Variants in ZNF446 observed in about 807,000 individuals in gnomAD.
ZNF446 encodes the protein zinc finger protein with KRAB and SCAN domains 20.
ZNF446 carries 42 observed loss-of-function variants against 34.0 expected under a neutral mutation model. The observed-to-expected ratio is 1.23, with a 90% CI of 0.96 to 1.60. ZNF446 has a LOEUF of 1.60. Among genes scored for constraint, ZNF446 ranks in the 40% most tolerant of loss-of-function variants. ZNF446 has a pLI of 0.00. For synonymous variants in ZNF446, 315 were observed against 251.0 expected (o/e 1.25, Z -2.41); for missense variants, 650 against 600.2 (o/e 1.08, Z -0.87).
the ZNF446 span, among the ~76,000 whole-genome samples, chr19:58,488,848 C>CAAAAAAAAAAAAAAAAAA: frequency 9.8e-6 from 1 of 102,316 alleles, no homozygotes; most frequent in Non-Finnish European, 1.9e-5. Context: ...AAGACTCCGT[C>CAAAAAAAAAAAAAAAAAA]AAAAAAAAAA....
chr19:58,482,273 C>A (rs938934558), downstream of ZNF446, among the ~76,000 whole-genome samples: 2 of 152,066 alleles, frequency 1.3e-5, no homozygotes, highest in Non-Finnish European at 2.9e-5. Flanking sequence ...TGCCAGCTCT[C>A]TGACACCCAT....
intron 4 of ZNF446, among the ~76,000 whole-genome samples, chr19:58,478,771 G>T (rs2053111977): frequency 6.6e-6 from 1 of 152,114 alleles, no homozygotes; most frequent in South Asian, 2.1e-4. Context: ...AAGTCAGCTG[G>T]GAGGTTTGCT....
downstream of ZNF446, among the ~76,000 whole-genome samples, chr19:58,482,408 C>T (rs1041057231): frequency 2.6e-5 from 4 of 152,190 alleles, no homozygotes; most frequent in East Asian, 7.7e-4. Flanking sequence ...AATGGGGACT[C>T]CTTGGGGGCC....
chr19:58,486,336 C>T, the ZNF446 span, among the ~76,000 whole-genome samples: 40 of 151,842 alleles, frequency 2.6e-4, no homozygotes, highest in Non-Finnish European at 4.6e-4. Context: ...TGATCCACCT[C>T]GGCCTCCCAA....
chr19:58,483,796 C>G (rs1398345018), downstream of ZNF446: 7 of 152,160 alleles, frequency 4.6e-5, no homozygotes, highest in Admixed American at 1.3e-4. Context: ...TGCACAGGGG[C>G]CATTCTAATC....
Position 58,480,614 on chromosome 19 carries a change from G to A in ZNF446, c.1241G>A (p.Arg414His), listed in dbSNP as rs560841758. ...TGGAAGTCGCAGCTGGTCATCCACC[G>A]CAAGAGCCACACAGGCCAGCGGCGT... The part of the protein sequence containing the change: ...FSWKSQLVIH[R>H]KSHTGQRRHF... Residue 414 changes from arginine (R) to histidine (H), a missense_variant, in exon 7 of 7, where the codon CGC becomes CAC. Coordinates refer to ENST00000594369, the MANE Select transcript of ZNF446 (RefSeq NM_017908.4). The surrounding 1 kb of genome is among the most constrained non-coding windows in gnomAD (Gnocchi z 7.2). 2.7e-5 allele frequency: 43 copies of A among 1,612,584 alleles called. No individual in the cohort carries two copies. Among genetic ancestry groups the A allele is most frequent in the Admixed American group, 6.7e-5 (4 of 59,994 alleles).
At chr19:58,485,182 A>G (rs1347118316), downstream of ZNF446, among the ~76,000 whole-genome samples, 1 of 152,094 alleles carries the variant, frequency 6.6e-6, no homozygotes, top group Non-Finnish European at 1.5e-5. Flanking sequence ...TGTAAATAAA[A>G]ACACTGTTAA....
In ZNF446 at chr19:58,480,651, T is replaced by A. The variant is rs1568618809; in HGVS notation, c.1278T>A (p.Ser426Arg). The change falls in exon 7 of 7, where the codon AGT (serine) becomes AGA (arginine). Residue 426 changes from serine (S) to arginine (R), a missense_variant. By Grantham distance (110) the Ser-to-Arg change is moderately radical. Transcript: ENST00000594369. The surrounding 1 kb of genome is among the most constrained non-coding windows in gnomAD (Gnocchi z 7.2). ...SHTGQRRHFC[S>R]DCGRAFDWKS... ...CAGGCCAGCGGCGTCACTTCTGCAGTGACTGTGGCCGCGCCTTCGACTGGA... is the reference window on the plus strand; with the variant it reads ...CAGGCCAGCGGCGTCACTTCTGCAGAGACTGTGGCCGCGCCTTCGACTGGA... The A allele has an allele frequency of 1.2e-5, 20 of 1,609,946 alleles. No homozygotes were observed. Among genetic ancestry groups the A allele is most frequent in the Non-Finnish European group, 1.6e-5 (19 of 1,179,200 alleles).
At chr19:58,478,392 G>A (rs2053108245) in intron 4 of ZNF446, among the ~76,000 whole-genome samples, 1 of 152,106 alleles carries the variant, frequency 6.6e-6, no homozygotes, top group African/African-American at 2.4e-5. Flanking sequence ...GGCTGGACAT[G>A]GTGGCTTACA....
rs1568618194 is a variant in ZNF446, at chr19:58,480,063, CGGTGGGACCTGAGCCACCCACTCAT to C, written c.802+47_802+71del. ...CCAGCCTGAATCACCCCTCCTGTAT[CGGTGGGACCTGAGCCACCCACTCAT>C]GGGGGGACGGGAGCTTGTGCCACGG... On this transcript the variant is annotated intron_variant, in intron 6 of 6. Transcript: ENST00000594369. This position sits in a 1 kb window ranked among gnomAD's most constrained non-coding sequence, Gnocchi z 7.2. 1 of 1,560,638 alleles carries C rather than the reference CGGTGGGACCTGAGCCACCCACTCAT, an allele frequency of 6.4e-7. No homozygotes were observed. Among genetic ancestry groups the C allele is most frequent in the Non-Finnish European group, 8.6e-7 (1 of 1,158,722 alleles).
intron 3 of ZNF446, 105 bp from the exon 4 acceptor site, chr19:58,477,982 C>G: frequency 1.5e-6 from 2 of 1,349,388 alleles, no homozygotes; most frequent in Non-Finnish European, 2.0e-6. Context: ...AGGCAGGAGC[C>G]AAGGGCTGGC....
downstream of ZNF446, among the ~76,000 whole-genome samples, chr19:58,482,589 C>CA (rs548570808): frequency 4.4e-4 from 67 of 152,286 alleles, no homozygotes; most frequent in Non-Finnish European, 8.4e-4. Flanking sequence ...GTGGTTACCC[C>CA]AGGAGGGGCT....
rs759839896 is a variant in ZNF446 at position 58,477,808 on chromosome 19, G to A, written c.514G>A (p.Val172Ile). The A allele has an allele frequency of 7.6e-6, 12 of 1,569,596 alleles. No homozygotes were observed. The highest frequency in any genetic ancestry group is 9.5e-6 in the Non-Finnish European group (11 of 1,160,238). The stretch of plus-strand genomic sequence containing the variant: ...CTGCAGTGTGAAGGAGGAGCCCAAT[G>A]TCGATGGACAGGAAGTGGGTGAGGT... ...LSCSVKEEPN[V>I]DGQEVAPSSP... The change falls in exon 3 of 7, where the codon GTC becomes ATC. Residue 172 changes from valine (V) to isoleucine (I), a missense_variant. Coordinates refer to ENST00000594369, the MANE Select transcript of ZNF446 (RefSeq NM_017908.4).
At chr19:58,476,760 C>G (rs1387382892) in intron 1 of ZNF446, among the ~76,000 whole-genome samples, 1 of 152,216 alleles carries the variant, frequency 6.6e-6, no homozygotes, top group East Asian at 1.9e-4. Flanking sequence ...CGACTCGTCC[C>G]CGTACATTAC....
Position 58,478,118 on chromosome 19 carries a change from C to T in ZNF446, c.564C>T (p.Ser188=). ...CCAGCCCTCCACTTGCAGCACAGTC[C>T]CCTGAGGGGAACCATGGACACCAAG... ...APSSPPLAAQ[S]PEGNHGHQEP... Residue 188 remains serine (S), a synonymous_variant, in exon 4 of 7, where the codon TCC becomes TCT. Transcript: ENST00000594369. 2 of 1,614,010 alleles carry T rather than the reference C, an allele frequency of 1.2e-6. No homozygotes were observed. The highest frequency in any genetic ancestry group is 1.7e-6 in the Non-Finnish European group (2 of 1,179,916).
chr19:58,482,834 G>A (rs1043331211), downstream of ZNF446, among the ~76,000 whole-genome samples: 5 of 152,186 alleles, frequency 3.3e-5, no homozygotes, highest in Non-Finnish European at 2.9e-5. Flanking sequence ...CAGTACCCAG[G>A]GGCTCCAGCT....
At position 58,479,709 on chromosome 19, in the gene ZNF446, G is replaced by A. The variant is rs1179649890; in HGVS notation, c.694G>A (p.Gly232Ser). 1.2e-6 allele frequency: 2 copies of A among 1,613,264 alleles called. No homozygotes were observed. The highest frequency in any genetic ancestry group is 1.7e-6 in the Non-Finnish European group (2 of 1,179,836). ...LYWDAMLEKY[G>S]TVVSLGLPPH... The stretch of plus-strand genomic sequence containing the variant: ...CTGGGATGCGATGCTGGAGAAGTAC[G>A]GCACAGTGGTCTCCCTGGGTGAGGA... The change falls in exon 5 of 7, where the codon GGC (glycine) becomes AGC (serine). Residue 232 changes from glycine (G) to serine (S), a missense_variant. By Grantham distance (56) the Gly-to-Ser change is moderately conservative. Coordinates refer to ENST00000594369, the MANE Select transcript of ZNF446 (RefSeq NM_017908.4).
chr19:58,486,357 T>C, the ZNF446 span, among the ~76,000 whole-genome samples: 1 of 151,498 alleles, frequency 6.6e-6, no homozygotes, highest in East Asian at 2.0e-4. Flanking sequence ...AGTGCTGGGA[T>C]TGCAGGCATG....
chr19:58,489,337 G>T, the ZNF446 span, among the ~76,000 whole-genome samples: 1 of 152,108 alleles, frequency 6.6e-6, no homozygotes, highest in Admixed American at 6.6e-5. Context: ...CCATAAAATG[G>T]CTCATCTGAT....
Sources: allele counts gnomAD v4.1 joint callset (sites outside exome capture counted in the v4.1 genomes callset), GRCh38; gene constraint gnomAD v4.1.1; non-coding constraint Gnocchi (gnomAD v3.1); transcripts MANE v1.5; gene names NCBI Gene and HGNC (gene_info 2026-07-23, HGNC 2026-07-21).